The following RARB variants were observed in gnomAD, a reference collection of about 807,000 sequenced individuals.
RARB encodes the protein retinoic acid receptor beta.
A neutral mutation model predicts 51.9 loss-of-function variants in RARB; 17 were observed. The observed-to-expected ratio is 0.33, with a 90% CI of 0.22 to 0.49. The LOEUF (loss-of-function observed/expected upper bound fraction) is 0.49. Among genes scored for constraint, RARB ranks in the 20% least tolerant of loss-of-function variants. The probability of loss-of-function intolerance (pLI) is 0.99; values close to 1 mark genes in which losing one functional copy is unlikely to be tolerated. For missense variants in RARB, 369 were observed against 550.8 expected (o/e 0.67, Z 3.30); for synonymous variants, 215 against 195.4 (o/e 1.10, Z -0.84).
chr3:25,131,941 G>A (rs1360674247), intron 3 of RARB, among the ~76,000 whole-genome samples: 1 of 151,960 alleles, frequency 6.6e-6, no homozygotes, highest in African/African-American at 2.4e-5. Flanking sequence ...GGGATCAGGG[G>A]TGCAAAAGAA....
intron 4 of RARB, among the ~76,000 whole-genome samples, chr3:25,166,646 G>A (rs1700565974): frequency 1.3e-5 from 2 of 152,172 alleles, no homozygotes; most frequent in Admixed American, 1.3e-4. Flanking sequence ...CACATTGTGA[G>A]TAAATTGCAG....
chr3:24,889,172 C>T (rs1163894399), intron 2 of RARB, among the ~76,000 whole-genome samples: 1 of 152,178 alleles, frequency 6.6e-6, no homozygotes, highest in Non-Finnish European at 1.5e-5. Context: ...ATCTCTTTTC[C>T]TTTGTTTTGA....
intron 2 of RARB, among the ~76,000 whole-genome samples, chr3:24,986,076 G>A (rs139995944): frequency 6.6e-6 from 1 of 152,320 alleles, no homozygotes; most frequent in Non-Finnish European, 1.5e-5. Flanking sequence ...AAATCACCTA[G>A]AGTGGTGACA....
At chr3:25,155,869 C>T (rs1357064446) in intron 4 of RARB, among the ~76,000 whole-genome samples, 3 of 152,154 alleles carry the variant, frequency 2.0e-5, no homozygotes, top group Non-Finnish European at 4.4e-5. Flanking sequence ...GGCATTGGTT[C>T]CCAGCCTTTT....
At chr3:25,565,307 G>C (rs1700448249) in intron 3 of RARB, among the ~76,000 whole-genome samples, 2 of 152,152 alleles carry the variant, frequency 1.3e-5, no homozygotes, top group African/African-American at 4.8e-5. Context: ...ACTCTATTAG[G>C]TTGTTGTAAG....
At chr3:25,337,071 C>G (rs149424556) in intron 5 of RARB, among the ~76,000 whole-genome samples, 233 of 152,278 alleles carry the variant, frequency 1.5e-3, no homozygotes, top group African/African-American at 5.4e-3. Flanking sequence ...CATTAGATCT[C>G]AGCATCAGAA....
In RARB at chr3:25,169,816, C is replaced by T. The variant is rs1356260061; in HGVS notation, c.-279-4303C>T. 3.3e-5 allele frequency among the ~76,000 whole-genome samples: 5 copies of T among 151,808 alleles called. No individual in the cohort carries two copies. The South Asian group carries it at 6.3e-4, about 19-fold the overall frequency. On this transcript the variant is annotated intron_variant, in intron 4 of 11. Transcript: ENST00000383772. Reference sequence around the variant, plus strand: ...CAGCCCAGGCAACATAACAAAACCACGTCTCTACAAAAAATACAAAAATTA... The same window carrying T: ...CAGCCCAGGCAACATAACAAAACCATGTCTCTACAAAAAATACAAAAATTA...
In RARB at chr3:24,950,848, C is replaced by T. The variant is rs539839193; in HGVS notation, c.-380+92096C>T. On this transcript the variant is annotated intron_variant, in intron 2 of 11. Coordinates refer to the RARB transcript ENST00000383772. Reference sequence around the variant, plus strand: ...AATTTTTCAAAGTGTGGTCCCTGGGCCAGCACCATCAACGTGCCTGGCATA... The same window carrying T: ...AATTTTTCAAAGTGTGGTCCCTGGGTCAGCACCATCAACGTGCCTGGCATA... Among the ~76,000 whole-genome samples the T allele has an allele frequency of 2.4e-4, 37 of 152,254 alleles. No individual in the cohort carries two copies. In the South Asian group the frequency reaches 5.4e-3, roughly 22 times the overall value.
chr3:25,492,942 T>C (rs1015197793), intron 2 of RARB, among the ~76,000 whole-genome samples: 1 of 151,060 alleles, frequency 6.6e-6, no homozygotes, highest in East Asian at 1.9e-4. Context: ...CTTTACTAAG[T>C]CCCCAGCACT....
At chr3:25,081,510 G>A (rs921853915) in intron 3 of RARB, among the ~76,000 whole-genome samples, 1 of 138,224 alleles carries the variant, frequency 7.2e-6, no homozygotes, top group East Asian at 2.3e-4. Context: ...CTGAGAGAAG[G>A]AACATTAAAA....
At chr3:25,206,831 A>G (rs1309436980) in intron 5 of RARB, among the ~76,000 whole-genome samples, 1 of 152,108 alleles carries the variant, frequency 6.6e-6, no homozygotes, top group Non-Finnish European at 1.5e-5. Flanking sequence ...ATCCATGTTC[A>G]CCACTTACAC....
intron 3 of RARB, among the ~76,000 whole-genome samples, chr3:25,130,964 A>G (rs1237933206): frequency 1.1e-5 from 1 of 93,538 alleles, no homozygotes; most frequent in African/African-American, 4.3e-5. Flanking sequence ...TGATAATATT[A>G]TCAATATTTA....
intron 3 of RARB, among the ~76,000 whole-genome samples, chr3:25,534,222 T>C (rs1699043368): frequency 6.6e-6 from 1 of 152,232 alleles, no homozygotes; most frequent in Non-Finnish European, 1.5e-5. Context: ...CCTAAGACTT[T>C]GAGCAAATAA....
chr3:24,867,663 T>G (rs945693244), intron 2 of RARB, among the ~76,000 whole-genome samples: 3 of 152,066 alleles, frequency 2.0e-5, no homozygotes, highest in African/African-American at 7.2e-5. Flanking sequence ...CTGGCAGAAG[T>G]GGGGAGTGTG....
At chr3:25,384,679 C>A (rs528266715) in intron 5 of RARB, among the ~76,000 whole-genome samples, 1 of 152,138 alleles carries the variant, frequency 6.6e-6, no homozygotes, top group Non-Finnish European at 1.5e-5. Flanking sequence ...ACAAGCTCAC[C>A]GTGGCAGGAG....
At chr3:24,979,448 T>A (rs1285673565) in intron 2 of RARB, among the ~76,000 whole-genome samples, 1 of 152,238 alleles carries the variant, frequency 6.6e-6, no homozygotes, top group Non-Finnish European at 1.5e-5. Context: ...ATATTTAGGA[T>A]AGTTAGCTCT....
At chr3:25,054,225 C>T (rs1351864591) in intron 2 of RARB, among the ~76,000 whole-genome samples, 4 of 151,836 alleles carry the variant, frequency 2.6e-5, no homozygotes, top group Admixed American at 2.0e-4. Flanking sequence ...ACTAATTATC[C>T]ATTGGTTTAT....
At chr3:25,201,221 GCTCT>G (rs1161839430) in intron 5 of RARB, among the ~76,000 whole-genome samples, 1 of 152,014 alleles carries the variant, frequency 6.6e-6, no homozygotes, top group African/African-American at 2.4e-5. Flanking sequence ...TCGTGATTTG[GCTCT>G]CTGTTTTTCT....
intron 5 of RARB, among the ~76,000 whole-genome samples, chr3:25,261,942 C>T (rs961594315): frequency 2.0e-5 from 3 of 152,132 alleles, no homozygotes; most frequent in African/African-American, 7.2e-5. Flanking sequence ...TTCTTTCTCT[C>T]ATTCTGCCCT....
Sources: allele counts gnomAD v4.1 joint callset (sites outside exome capture counted in the v4.1 genomes callset), GRCh38; gene constraint gnomAD v4.1.1; transcripts MANE v1.5; gene names NCBI Gene and HGNC (gene_info 2026-07-23, HGNC 2026-07-21).